RAB11FIP1: variants seen among roughly 807,000 people sequenced by gnomAD.
RAB11FIP1 encodes RAB11 family interacting protein 1, also known as rab11 family-interacting protein 1.
A neutral mutation model predicts 83.1 loss-of-function variants in RAB11FIP1; 49 were observed. The ratio of observed to expected loss-of-function variants is 0.59; its 90% CI spans 0.47 to 0.75. The LOEUF (loss-of-function observed/expected upper bound fraction) is 0.75. Among genes scored for constraint, RAB11FIP1 ranks in the 30% least tolerant of loss-of-function variants. The pLI, the probability that RAB11FIP1 is intolerant of heterozygous loss-of-function variation, is 0.00. For missense variants in RAB11FIP1, 1,536 were observed against 1,598.7 expected (o/e 0.96, Z 0.67); for synonymous variants, 670 against 656.0 (o/e 1.02, Z -0.33).
In RAB11FIP1 at chr8:37,861,840, C is replaced by T. The variant is rs370584619; in HGVS notation, c.*1055G>A. 11 of 300,946 alleles carry T rather than the reference C, an allele frequency of 3.7e-5. No homozygotes were observed. In the East Asian group the frequency reaches 4.3e-4, roughly 12 times the overall value. The allele number at this position is 300,946 out of a possible 1,614,324, so 18.6% of individuals were successfully genotyped here. ...CTGACCTCAAGTGATCCACCCTCCT[C>T]GGCCTTGCAAAGTGCTGGGATTACA... On this transcript the variant is annotated 3_prime_UTR_variant, in exon 6 of 6. Transcript: ENST00000330843.
chr8:37,872,295 T>C lies in RAB11FIP1; in HGVS notation c.2507A>G (p.Gln836Arg). The change falls in exon 4 of 6, where the codon CAG (glutamine) becomes CGG (arginine). Residue 836 changes from glutamine (Q) to arginine (R), a missense_variant. By Grantham distance (43) the Gln-to-Arg change is conservative (BLOSUM62 1). Coordinates refer to ENST00000330843, the MANE Select transcript of RAB11FIP1 (RefSeq NM_001002814.3). ...AACAGACCATGCAGGGTTCAGCTCC[T>C]GGGGACAACTGCTGTGTCCTTCCAC... is the stretch of plus-strand genomic sequence containing the variant. The part of the protein sequence containing the change: ...LLVEGHSSCP[Q>R]ELNPAWSVAG... The C allele has an allele frequency of 6.2e-7, 1 of 1,614,096 alleles. No homozygotes were observed. The highest frequency in any genetic ancestry group is 8.5e-7 in the Non-Finnish European group (1 of 1,179,988).
At position 37,861,502 on chromosome 8, in the gene RAB11FIP1, T is replaced by A; in HGVS notation, c.*1393A>T. The A allele has an allele frequency of 2.3e-6, 1 of 426,190 alleles. No homozygotes were observed. Among genetic ancestry groups the A allele is most frequent in the Non-Finnish European group, 4.6e-6 (1 of 219,572 alleles). The allele number at this position is 426,190 out of a possible 1,614,324, so 26.4% of individuals were successfully genotyped here. On this transcript the variant is annotated 3_prime_UTR_variant, in exon 6 of 6. Coordinates refer to ENST00000330843, the MANE Select transcript of RAB11FIP1 (RefSeq NM_001002814.3). The stretch of plus-strand genomic sequence containing the variant: ...CAGATGCAGTTCAATCCCTTTGGGG[T>A]CCAATCCATGGTCTCCTGTCCCCTG...
chr8:37,889,949 A>G (rs1345851871), intron 1 of RAB11FIP1, among the ~76,000 whole-genome samples: 1 of 152,046 alleles, frequency 6.6e-6, no homozygotes, highest in Non-Finnish European at 1.5e-5. Flanking sequence ...ATACCTGGCT[A>G]ATTTTTTGTG....
Position 37,899,141 on chromosome 8 carries a change from C to T in RAB11FIP1, c.301G>A (p.Asp101Asn). Residue 101 changes from aspartate to asparagine, a missense_variant, in exon 1 of 6, where the codon GAC (aspartate) becomes AAC (asparagine). Physicochemically the swap from Asp to Asn is conservative, Grantham distance 23. Transcript: ENST00000330843. This position sits in a 1 kb window ranked among gnomAD's most constrained non-coding sequence, Gnocchi z 4.5. ...ACCTCGGCGCGGCCCAGGAACTTGT[C>T]GAGGCCGAGCAGCGCGCGGTGCAGC... is the stretch of plus-strand genomic sequence containing the variant. The part of the protein sequence containing the change: ...TVLHRALLGL[D>N]KFLGRAEVDL... 6.5e-7 allele frequency: 1 copy of T among 1,543,904 alleles called. No homozygotes were observed. Among genetic ancestry groups the T allele is most frequent in the Non-Finnish European group, 8.7e-7 (1 of 1,154,776 alleles).
Position 37,877,331 on chromosome 8 carries a change from G to A in RAB11FIP1, c.592C>T (p.Pro198Ser), listed in dbSNP as rs934838116. The A allele has an allele frequency of 5.0e-6, 8 of 1,613,998 alleles. No homozygotes were observed. The African/African-American group carries it at 5.3e-5, about 11-fold the overall frequency. Residue 198 changes from proline to serine, a missense_variant, in exon 2 of 6, where the codon CCT becomes TCT. By Grantham distance (74) the Pro-to-Ser change is moderately conservative. Transcript: ENST00000330843. ...TASAIIPSTTPSVDSDDESVV... is the reference protein window; with the variant it reads ...TASAIIPSTTSSVDSDDESVV... ...GACTCATCATCACTGTCGACCGAAG[G>A]TGTCGTGCTAGGGATGATGGCGGAG...
chr8:37,870,606 G>T, intron 4 of RAB11FIP1, 78 bp from the exon 5 acceptor site: 1 of 714,464 alleles, frequency 1.4e-6, no homozygotes. Flanking sequence ...AAAGACGGCA[G>T]CCAGTAAGCC....
chr8:37,890,773 C>CAA (rs35503716), intron 1 of RAB11FIP1, among the ~76,000 whole-genome samples: 94 of 77,836 alleles, frequency 1.2e-3, no homozygotes, highest in African/African-American at 4.2e-3. Flanking sequence ...AAAATTCTGC[C>CAA]AAAAAAAAAA....
At chr8:37,897,112 C>T (rs1325957276) in intron 1 of RAB11FIP1, among the ~76,000 whole-genome samples, 1 of 152,086 alleles carries the variant, frequency 6.6e-6, no homozygotes, top group Non-Finnish European at 1.5e-5. Flanking sequence ...AAACACTGCT[C>T]ACCTTATGGC....
At position 37,874,724 on chromosome 8, in the gene RAB11FIP1, C is replaced by T. The variant is rs1465995447; in HGVS notation, c.1413G>A (p.Lys471=). 5.0e-6 allele frequency: 8 copies of T among 1,614,106 alleles called. No homozygotes were observed. Among genetic ancestry groups the T allele is most frequent in the Non-Finnish European group, 6.8e-6 (8 of 1,180,052 alleles). Residue 471 remains lysine (K), a synonymous_variant, in exon 3 of 6, where the codon AAG becomes AAA. Coordinates refer to ENST00000330843, the MANE Select transcript of RAB11FIP1 (RefSeq NM_001002814.3). ...REKEGMLMGV[K]PGEDASGPAE... is the part of the protein sequence containing the mutation. ...CAGGCCCCGATGCGTCCTCCCCCGG[C>T]TTAACCCCCATCAGCATGCCTTCCT...
chr8:37,863,588 A>G (rs115206890), intron 5 of RAB11FIP1, among the ~76,000 whole-genome samples: 2,730 of 152,232 alleles, frequency 0.018, 99 homozygotes, highest in African/African-American at 0.063. Context: ...CAGGTTGTTG[A>G]CTGATGAAGT....
chr8:37,864,872 G>A (rs998753938), intron 5 of RAB11FIP1, among the ~76,000 whole-genome samples: 18 of 151,814 alleles, frequency 1.2e-4, no homozygotes, highest in Middle Eastern at 3.4e-3. Flanking sequence ...TTGAAAAGTC[G>A]CAAGTCTGGA....
intron 5 of RAB11FIP1, among the ~76,000 whole-genome samples, chr8:37,865,938 G>A (rs780185659): frequency 2.0e-5 from 3 of 152,018 alleles, no homozygotes; most frequent in Non-Finnish European, 2.9e-5. Context: ...TACTTCATAC[G>A]AACCGTCAAA....
rs1278842127 is a variant in RAB11FIP1, at chr8:37,872,422, T to A, written c.2380A>T (p.Met794Leu). 10 of 1,614,122 alleles carry A rather than the reference T, an allele frequency of 6.2e-6. No homozygotes were observed. Among genetic ancestry groups the A allele is most frequent in the Non-Finnish European group, 7.6e-6 (9 of 1,180,016 alleles). The change falls in exon 4 of 6, where the codon ATG becomes TTG. Residue 794 changes from methionine (M) to leucine (L), a missense_variant. By Grantham distance (15) the Met-to-Leu change is conservative. Transcript: ENST00000330843. ...IDSMMRKLEE[M>L]GLNLRKDQKK... Reference sequence around the variant, plus strand: ...TGGTCCTTGCGGAGGTTCAGACCCATCTCTTCCAGCTTCCGCATCATGGAA... The same window carrying A: ...TGGTCCTTGCGGAGGTTCAGACCCAACTCTTCCAGCTTCCGCATCATGGAA...
chr8:37,859,051 G>A lies in RAB11FIP1; in HGVS notation c.*3844C>T, dbSNP rs1806181370. 1 of 152,174 alleles carries A rather than the reference G, an allele frequency of 6.6e-6. No homozygotes were observed. Among genetic ancestry groups the A allele is most frequent in the Admixed American group, 6.5e-5 (1 of 15,268 alleles). 9.4% of individuals were successfully genotyped at this position (152,174 alleles called of 1,614,324 possible). A position where few individuals can be genotyped will look rare whatever the true frequency, so the allele number is the denominator to read the frequency against. On this transcript the variant is annotated 3_prime_UTR_variant, in exon 6 of 6. Coordinates refer to ENST00000330843, the MANE Select transcript of RAB11FIP1 (RefSeq NM_001002814.3). ...CAAAAGTCCCAAAGAAAGAAAGCAG[G>A]AAATAATAATTCTATAATCCAAAAA...
intron 2 of RAB11FIP1, among the ~76,000 whole-genome samples, chr8:37,876,260 A>AGGAAGGAG (rs1806607581): frequency 6.9e-6 from 1 of 145,016 alleles, no homozygotes; most frequent in African/African-American, 2.8e-5. Flanking sequence ...GAAGGAAGGA[A>AGGAAGGAG]GGAAGAAAGA....
chr8:37,877,496 C>T lies in RAB11FIP1; in HGVS notation c.427G>A (p.Glu143Lys). ...TTTCTCATAAACTGGATGTCAACCT[C>T]AATTTCTCCTCGCTCCTTGTCCTTC... ...GKKDKERGEI[E>K]VDIQFMRNNM... The change falls in exon 2 of 6, where the codon GAG (glutamate) becomes AAG (lysine). Residue 143 changes from glutamate (E) to lysine (K), a missense_variant. By Grantham distance (56) the Glu-to-Lys change is moderately conservative. Transcript: ENST00000330843. 2 of 1,612,992 alleles carry T rather than the reference C, an allele frequency of 1.2e-6. No individual in the cohort carries two copies. The highest frequency in any genetic ancestry group is 1.7e-6 in the Non-Finnish European group (2 of 1,179,936).
In RAB11FIP1 at chr8:37,872,874, G is replaced by A. The variant is rs564838485; in HGVS notation, c.1928C>T (p.Pro643Leu). 54 of 1,614,064 alleles carry A rather than the reference G, an allele frequency of 3.3e-5. No individual in the cohort carries two copies. The highest frequency in any genetic ancestry group is 1.6e-4 in the Middle Eastern group (1 of 6,084). Residue 643 changes from proline (P) to leucine (L), a missense_variant, in exon 4 of 6, where the codon CCG (proline) becomes CTG (leucine). Transcript: ENST00000330843. The stretch of plus-strand genomic sequence containing the variant: ...GGCAGAAGAACCAGAATTTGGAACC[G>A]GTGTTAAACTCTCAGTTTGCAACTC... ...KAELQTESLTPVPNSGSSALG... is the reference protein window; with the variant it reads ...KAELQTESLTLVPNSGSSALG...
At chr8:37,898,555 A>G (rs1563377590) in intron 1 of RAB11FIP1, among the ~76,000 whole-genome samples, 1 of 151,846 alleles carries the variant, frequency 6.6e-6, no homozygotes, top group African/African-American at 2.4e-5. Flanking sequence ...CGGGAGGCTC[A>G]GGCAGGAGAA....
intron 5 of RAB11FIP1, among the ~76,000 whole-genome samples, chr8:37,869,723 A>G (rs1339222405): frequency 6.6e-6 from 1 of 152,240 alleles, no homozygotes; most frequent in African/African-American, 2.4e-5. Flanking sequence ...AAAATTATGC[A>G]TACACCTGCG....
Sources: allele counts gnomAD v4.1 joint callset (sites outside exome capture counted in the v4.1 genomes callset), GRCh38; gene constraint gnomAD v4.1.1; non-coding constraint Gnocchi (gnomAD v3.1); transcripts MANE v1.5; gene names NCBI Gene and HGNC (gene_info 2026-07-23, HGNC 2026-07-21).